The following FRYL variants were observed in gnomAD, a reference collection of about 807,000 sequenced individuals.
FRYL encodes protein furry homolog-like.
A neutral mutation model predicts 351.2 loss-of-function variants in FRYL; 150 were observed. The ratio of observed to expected loss-of-function variants is 0.43; its 90% CI spans 0.37 to 0.49. The LOEUF (loss-of-function observed/expected upper bound fraction) is 0.49. FRYL is among the 20% of genes least tolerant of loss of function. The pLI is 0.00. For missense variants in FRYL, 3,036 were observed against 3,619.3 expected (o/e 0.84, Z 4.13); for synonymous variants, 1,153 against 1,257.1 (o/e 0.92, Z 1.75).
chr4:48,581,481 C>G lies in FRYL; in HGVS notation c.2111G>C (p.Arg704Thr). The G allele has an allele frequency of 6.2e-7, 1 of 1,613,896 alleles. No individual in the cohort carries two copies. Among genetic ancestry groups the G allele is most frequent in the Non-Finnish European group, 8.5e-7 (1 of 1,179,918 alleles). ...TTCTCTAAGGACACTGACGGCTAGT[C>G]TCCTAGTGGCAGGTCGACTGCTACA... is the stretch of plus-strand genomic sequence containing the variant. ...ILCSSRPATR[R>T]LAVSVLREIR... Residue 704 changes from arginine to threonine, a missense_variant, in exon 21 of 64, where the codon AGA becomes ACA. Arg to Thr is a moderately conservative substitution (Grantham distance 71). This residue lies in a region of FRYL where 492 missense variants were observed against 551.5 expected (regional missense o/e 0.89). Coordinates refer to ENST00000358350, the MANE Select transcript of FRYL (RefSeq NM_015030.2).
At chr4:48,542,164 TAAAG>T (rs577885006) in intron 44 of FRYL, 43 bp from the exon 45 acceptor site, 1,073 of 1,336,248 alleles carry the variant, frequency 8.0e-4, no homozygotes, top group Middle Eastern at 3.8e-3. Flanking sequence ...TGCTCTGGAA[TAAAG>T]AAACTGCAAT....
At chr4:48,674,023 G>C (rs1763146069) in intron 3 of FRYL, among the ~76,000 whole-genome samples, 1 of 152,158 alleles carries the variant, frequency 6.6e-6, no homozygotes, top group Non-Finnish European at 1.5e-5. Flanking sequence ...ATCTTCTTCT[G>C]TTAAATGTAT....
chr4:48,631,736 C>T (rs139228851), intron 4 of FRYL, among the ~76,000 whole-genome samples: 1 of 151,536 alleles, frequency 6.6e-6, no homozygotes, highest in Non-Finnish European at 1.5e-5. Context: ...GGGGGGATGA[C>T]TAAGTTAGAG....
At chr4:48,672,299 A>G (rs567841497) in intron 3 of FRYL, among the ~76,000 whole-genome samples, 1 of 152,258 alleles carries the variant, frequency 6.6e-6, no homozygotes, top group East Asian at 1.9e-4. Context: ...CTTTCTCAAC[A>G]TTTCACTGCC....
chr4:48,686,039 C>T (rs556712868), intron 2 of FRYL, among the ~76,000 whole-genome samples: 1 of 152,274 alleles, frequency 6.6e-6, no homozygotes, highest in South Asian at 2.1e-4. Flanking sequence ...CCATGCCTGG[C>T]TGGTCTTGGT....
Position 48,561,451 on chromosome 4 carries a change from C to T in FRYL, c.3865+17G>A, listed in dbSNP as rs1411010500. The T allele has an allele frequency of 1.3e-6, 2 of 1,493,432 alleles. No individual in the cohort carries two copies. The highest frequency in any genetic ancestry group is 1.5e-5 in the South Asian group (1 of 68,686). 92.5% of individuals were successfully genotyped at this position (1,493,432 alleles called of 1,614,324 possible). A position where few individuals can be genotyped will look rare whatever the true frequency, so the allele number is the denominator to read the frequency against. On this transcript the variant is annotated intron_variant, in intron 33 of 63. Transcript: ENST00000358350. Reference sequence around the variant, plus strand: ...TGATTGACAAATAGAAACTACTAACCAGTTCATTGATCATACCTGAGAATA... The same window carrying T: ...TGATTGACAAATAGAAACTACTAACTAGTTCATTGATCATACCTGAGAATA...
chr4:48,564,495 T>A (rs1342009571), intron 30 of FRYL, among the ~76,000 whole-genome samples: 4 of 152,188 alleles, frequency 2.6e-5, no homozygotes, highest in Non-Finnish European at 4.4e-5. Context: ...GTAAGTCCTA[T>A]TTTAAATTGT....
chr4:48,532,737 G>A (rs1727942714), intron 49 of FRYL, among the ~76,000 whole-genome samples: 2 of 152,148 alleles, frequency 1.3e-5, no homozygotes, highest in Admixed American at 1.3e-4. Flanking sequence ...TTTTCTGACA[G>A]AAATAATTAC....
At chr4:48,576,739 G>A (rs1739698381) in intron 23 of FRYL, among the ~76,000 whole-genome samples, 1 of 152,052 alleles carries the variant, frequency 6.6e-6, no homozygotes, top group Admixed American at 6.6e-5. Flanking sequence ...TATTACTCCT[G>A]TGATAAAAGT....
At chr4:48,593,772 C>G (rs1744032227) in intron 16 of FRYL, among the ~76,000 whole-genome samples, 158 bp downstream of exon 16, 1 of 152,036 alleles carries the variant, frequency 6.6e-6, no homozygotes, top group South Asian at 2.1e-4. Flanking sequence ...ATTATTAAAC[C>G]ATTCGGCCAG....
At chr4:48,776,125 A>G (rs1403232596) in intron 1 of FRYL, among the ~76,000 whole-genome samples, 2 of 150,002 alleles carry the variant, frequency 1.3e-5, no homozygotes, top group East Asian at 3.9e-4. Context: ...ATGTGATAGG[A>G]GCAGTGTTAT....
At chr4:48,609,092 A>T (rs779070666) in intron 8 of FRYL, 25 bp from the exon 9 acceptor site, 4 of 1,411,352 alleles carry the variant, frequency 2.8e-6, no homozygotes. Flanking sequence ...GAACAAACAT[A>T]ACATTTCATT....
Position 48,543,881 on chromosome 4 carries a change from G to C in FRYL, c.5518C>G (p.Leu1840Val). ...FQIFRALKQP[L>V]TATTLSDVLS... ...ACATCAGAAAGTGTAGTTGCAGTGA[G>C]AGGCTGCTTTAGGGCCCTGAAAATC... The change falls in exon 44 of 64, where the codon CTC becomes GTC. Residue 1840 changes from leucine to valine, a missense_variant. Physicochemically the swap from Leu to Val is conservative, Grantham distance 32. Around this residue, in one of 7 missense-constraint regions of FRYL, gnomAD observed 1,987 missense variants for 2,311.7 expected, o/e 0.86. Transcript: ENST00000358350. The C allele has an allele frequency of 6.2e-7, 1 of 1,613,902 alleles. No homozygotes were observed. The highest frequency in any genetic ancestry group is 8.5e-7 in the Non-Finnish European group (1 of 1,179,840).
At chr4:48,559,745 A>G (rs1234666361) in intron 33 of FRYL, among the ~76,000 whole-genome samples, 1 of 151,454 alleles carries the variant, frequency 6.6e-6, no homozygotes, top group African/African-American at 2.4e-5. Context: ...AAAACAGAAA[A>G]AAAGGGACGG....
rs538577826 is a variant in FRYL, at chr4:48,689,875, G to GT, written c.-203-5081dup. ...TTTCTATGCCTACCATTTATAGTAG[G>GT]TTTTTTAATTTCTTTTTTTCTTTTT... On this transcript the variant is annotated intron_variant, in intron 2 of 63. Transcript: ENST00000358350. Among the ~76,000 whole-genome samples the GT allele has an allele frequency of 3.5e-3, 528 of 149,678 alleles. 4 individuals are homozygous for GT. The highest frequency in any genetic ancestry group is 0.012 in the African/African-American group (499 of 40,866).
At chr4:48,522,773 G>A (rs545309280) in intron 54 of FRYL, 128 bp downstream of exon 54, 1 of 767,700 alleles carries the variant, frequency 1.3e-6, no homozygotes, top group Admixed American at 1.8e-5. Context: ...TACTCCATTA[G>A]TGTTGCAATC....
intron 25 of FRYL, chr4:48,574,593 T>A (rs1475692764): frequency 6.6e-6 from 1 of 152,216 alleles, no homozygotes; most frequent in Non-Finnish European, 1.5e-5. Context: ...TCATATTAAT[T>A]GAGGAAATTC....
At chr4:48,546,506 A>C (rs569504959) in intron 41 of FRYL, 4 of 480,476 alleles carry the variant, frequency 8.3e-6, no homozygotes, top group Non-Finnish European at 1.5e-5. Flanking sequence ...TGTACTATGC[A>C]GTCCTCTGCC....
At position 48,564,923 on chromosome 4, in the gene FRYL, T is replaced by C. The variant is rs1232806195; in HGVS notation, c.3441+10A>G. On this transcript the variant is annotated intron_variant, in intron 30 of 63. Coordinates refer to ENST00000358350, the MANE Select transcript of FRYL (RefSeq NM_015030.2). ...TTATTATGAACCTTTAAGGAAATTG[T>C]CATAATTACCTTTTTGTCCAGAGAA... The C allele has an allele frequency of 2.8e-6, 4 of 1,434,634 alleles. No homozygotes were observed. The highest frequency in any genetic ancestry group is 3.5e-5 in the Admixed American group (2 of 57,618). 88.9% of individuals were successfully genotyped at this position (1,434,634 alleles called of 1,614,324 possible).
Sources: allele counts gnomAD v4.1 joint callset (sites outside exome capture counted in the v4.1 genomes callset), GRCh38; gene constraint gnomAD v4.1.1; regional missense constraint gnomAD v4.1.1; transcripts MANE v1.5; gene names NCBI Gene and HGNC (gene_info 2026-07-23, HGNC 2026-07-21).